The following OR4X2 variants were observed in gnomAD, a reference collection of about 807,000 sequenced individuals.
OR4X2 encodes the protein olfactory receptor 4X2.
For missense variants in OR4X2, 554 were observed against 359.5 expected (o/e 1.54, Z -4.38); for synonymous variants, 205 against 136.6 (o/e 1.50, Z -3.49).
At position 48,245,979 on chromosome 11, in the gene OR4X2, G is replaced by T; in HGVS notation, c.876G>T (p.Arg292Ser). The T allele has an allele frequency of 1.2e-6, 2 of 1,613,870 alleles. No individual in the cohort carries two copies. Among genetic ancestry groups the T allele is most frequent in the Non-Finnish European group, 1.7e-6 (2 of 1,179,906 alleles). ...RNAEMRKAMK[R>S]LWIRTLRLNE... ...CTGAAATGAGGAAGGCCATGAAGAG[G>T]CTGTGGATTAGGACATTGAGACTAA... is the stretch of plus-strand genomic sequence containing the variant. Residue 292 changes from arginine (R) to serine (S), a missense_variant, in exon 1 of 1, where the codon AGG becomes AGT. Transcript: ENST00000624868.
chr11:48,245,226 C>G lies in OR4X2; in HGVS notation c.123C>G (p.Val41=). 1 of 1,614,166 alleles carries G rather than the reference C, an allele frequency of 6.2e-7. No individual in the cohort carries two copies. The highest frequency in any genetic ancestry group is 8.5e-7 in the Non-Finnish European group (1 of 1,180,022). ...GGAATTTCCTCATTGTGCTCACTGTCATGACCAGCAGAAGCCTTGGTTCCC... is the reference window on the plus strand; with the variant it reads ...GGAATTTCCTCATTGTGCTCACTGTGATGACCAGCAGAAGCCTTGGTTCCC... ...VLGNFLIVLT[V]MTSRSLGSPM... is the part of the protein sequence containing the mutation. The change falls in exon 1 of 1, where the codon GTC becomes GTG. Residue 41 remains valine, a synonymous_variant. Transcript: ENST00000624868.
At position 48,245,897 on chromosome 11, in the gene OR4X2, T is replaced by C; in HGVS notation, c.794T>C (p.Val265Ala). 6.2e-7 allele frequency: 1 copy of C among 1,614,092 alleles called. No individual in the cohort carries two copies. The highest frequency in any genetic ancestry group is 1.1e-5 in the South Asian group (1 of 91,080). The change falls in exon 1 of 1, where the codon GTG becomes GCG. Residue 265 changes from valine to alanine, a missense_variant. Coordinates refer to ENST00000624868, the MANE Select transcript of OR4X2 (RefSeq NM_001004727.1). ...CTGCCCATAGACAAGATGGTGGCTG[T>C]GTTCTACACAGTGATAACCGCGATC... ...TTLPIDKMVA[V>A]FYTVITAILN...
At position 48,245,471 on chromosome 11, in the gene OR4X2, G is replaced by T. The variant is rs1442564406; in HGVS notation, c.368G>T (p.Ser123Ile). ...TATGTGGCCATCTGCAAGCCCCTCA[G>T]CTACACCACCATCATGAACTGGCAG... Reference protein sequence around the residue: ...DHYVAICKPLSYTTIMNWQVC... With the variant: ...DHYVAICKPLIYTTIMNWQVC... The change falls in exon 1 of 1, where the codon AGC becomes ATC. Residue 123 changes from serine (S) to isoleucine (I), a missense_variant. Coordinates refer to ENST00000624868, the MANE Select transcript of OR4X2 (RefSeq NM_001004727.1). 5 of 1,614,034 alleles carry T rather than the reference G, an allele frequency of 3.1e-6. No homozygotes were observed. The highest frequency in any genetic ancestry group is 4.2e-6 in the Non-Finnish European group (5 of 1,180,028).
rs767301380 is a variant in OR4X2 at position 48,245,182 on chromosome 11, T to C, written c.79T>C (p.Tyr27His). ...TTGCTTTGTGATATTTCTGTTCTTG[T>C]ACACAGCAATTGTGCTGGGGAATTT... ...RVCFVIFLFL[Y>H]TAIVLGNFLI... Residue 27 changes from tyrosine to histidine, a missense_variant, in exon 1 of 1, where the codon TAC becomes CAC. By Grantham distance (83) the Tyr-to-His change is moderately conservative. Transcript: ENST00000624868. 3.7e-6 allele frequency: 6 copies of C among 1,613,984 alleles called. No individual in the cohort carries two copies. The highest frequency in any genetic ancestry group is 5.1e-6 in the Non-Finnish European group (6 of 1,179,948).
rs779393192 is a variant in OR4X2 at position 48,245,759 on chromosome 11, C to G, written c.656C>G (p.Thr219Ser). Residue 219 changes from threonine to serine, a missense_variant, in exon 1 of 1, where the codon ACC (threonine) becomes AGC (serine). Physicochemically the swap from Thr to Ser is moderately conservative, Grantham distance 58 (BLOSUM62 1). Transcript: ENST00000624868. The stretch of plus-strand genomic sequence containing the variant: ...ATGGTCATCTTGCTCCATCTGAGAA[C>G]CTGGAGCTCTGAAGGGTGGTGCAAA... ...SYMVILLHLRTWSSEGWCKAL... is the reference protein window; with the variant it reads ...SYMVILLHLRSWSSEGWCKAL... The G allele has an allele frequency of 5.6e-6, 9 of 1,614,088 alleles. No individual in the cohort carries two copies. In the Admixed American group the frequency reaches 1.3e-4, roughly 24 times the overall value.
rs1326040864 is a variant in OR4X2 at position 48,245,515 on chromosome 11, G to A, written c.412G>A (p.Gly138Arg). 6.2e-7 allele frequency: 1 copy of A among 1,614,122 alleles called. No individual in the cohort carries two copies. The highest frequency in any genetic ancestry group is 8.5e-7 in the Non-Finnish European group (1 of 1,180,026). Residue 138 changes from glycine (G) to arginine (R), a missense_variant, in exon 1 of 1, where the codon GGA becomes AGA. By Grantham distance (125) the Gly-to-Arg change is moderately radical. Coordinates refer to ENST00000624868, the MANE Select transcript of OR4X2 (RefSeq NM_001004727.1). ...MNWQVCTVLV[G>R]IAWVGGFMHS... ...CTGGCAGGTGTGTACTGTCCTTGTA[G>A]GAATAGCATGGGTGGGAGGCTTCAT...
rs778999168 is a variant in OR4X2 at position 48,245,146 on chromosome 11, G to T, written c.43G>T (p.Val15Leu). The T allele has an allele frequency of 1.2e-6, 2 of 1,613,922 alleles. No individual in the cohort carries two copies. The highest frequency in any genetic ancestry group is 4.5e-5 in the East Asian group (2 of 44,886). The change falls in exon 1 of 1, where the codon GTG (valine) becomes TTG (leucine). Residue 15 changes from valine to leucine, a missense_variant. Transcript: ENST00000624868. The part of the protein sequence containing the change: ...IFLVLSPNQE[V>L]QRVCFVIFLF... ...TCTGGTACTTTCTCCCAACCAGGAGGTGCAGAGGGTTTGCTTTGTGATATT... is the reference window on the plus strand; with the variant it reads ...TCTGGTACTTTCTCCCAACCAGGAGTTGCAGAGGGTTTGCTTTGTGATATT...
rs2134411524 is a variant in OR4X2 at position 48,245,995 on chromosome 11, T to C, written c.892T>C (p.Leu298=). 6.2e-7 allele frequency: 1 copy of C among 1,613,222 alleles called. No individual in the cohort carries two copies. The highest frequency in any genetic ancestry group is 8.5e-7 in the Non-Finnish European group (1 of 1,179,616). The part of the protein sequence containing the change: ...KAMKRLWIRT[L]RLNEK ...CATGAAGAGGCTGTGGATTAGGACA[T>C]TGAGACTAAATGAGAAATAGAGGCT... The change falls in exon 1 of 1, where the codon TTG becomes CTG. Residue 298 remains leucine, a synonymous_variant. Transcript: ENST00000624868.
chr11:48,245,203 A>C lies in OR4X2; in HGVS notation c.100A>C (p.Asn34His), dbSNP rs1054596130. ...CTTGTACACAGCAATTGTGCTGGGG[A>C]ATTTCCTCATTGTGCTCACTGTCAT... ...LFLYTAIVLGNFLIVLTVMTS... is the reference protein window; with the variant it reads ...LFLYTAIVLGHFLIVLTVMTS... Residue 34 changes from asparagine to histidine, a missense_variant, in exon 1 of 1, where the codon AAT becomes CAT. Coordinates refer to ENST00000624868, the MANE Select transcript of OR4X2 (RefSeq NM_001004727.1). 1.2e-6 allele frequency: 2 copies of C among 1,613,970 alleles called. No individual in the cohort carries two copies. Among genetic ancestry groups the C allele is most frequent in the Non-Finnish European group, 1.7e-6 (2 of 1,180,010 alleles).
chr11:48,245,232 C>G lies in OR4X2; in HGVS notation c.129C>G (p.Thr43=), dbSNP rs1299145126. The G allele has an allele frequency of 2.5e-6, 4 of 1,614,136 alleles. No homozygotes were observed. Among genetic ancestry groups the G allele is most frequent in the African/African-American group, 1.3e-5 (1 of 75,036 alleles). Residue 43 remains threonine, a synonymous_variant, in exon 1 of 1, where the codon ACC becomes ACG. Transcript: ENST00000624868. ...GNFLIVLTVM[T]SRSLGSPMYF... ...TCCTCATTGTGCTCACTGTCATGAC[C>G]AGCAGAAGCCTTGGTTCCCCCATGT...
In OR4X2 at chr11:48,245,112, A is replaced by G. The variant is rs1272817763; in HGVS notation, c.9A>G (p.Glu3=). ...TGGCTAACATACACAACATGACTGAATTCATTTTTCTGGTACTTTCTCCCA... is the reference window on the plus strand; with the variant it reads ...TGGCTAACATACACAACATGACTGAGTTCATTTTTCTGGTACTTTCTCCCA... MT[E]FIFLVLSPNQ... is the part of the protein sequence containing the mutation. Residue 3 remains glutamate (E), a synonymous_variant, in exon 1 of 1, where the codon GAA becomes GAG. Coordinates refer to ENST00000624868, the MANE Select transcript of OR4X2 (RefSeq NM_001004727.1). 1 of 1,611,766 alleles carries G rather than the reference A, an allele frequency of 6.2e-7. No homozygotes were observed. The highest frequency in any genetic ancestry group is 1.7e-5 in the Admixed American group (1 of 59,936).
rs1859067056 is a variant in OR4X2 at position 48,245,877 on chromosome 11, C to T, written c.774C>T (p.Pro258=). 1.2e-6 allele frequency: 2 copies of T among 1,613,942 alleles called. No homozygotes were observed. Among genetic ancestry groups the T allele is most frequent in the East Asian group, 2.2e-5 (1 of 44,876 alleles). Residue 258 remains proline (P), a synonymous_variant, in exon 1 of 1, where the codon CCC becomes CCT. Transcript: ENST00000624868. ...CTCTGAGGCCTTCTACCACTCTGCC[C>T]ATAGACAAGATGGTGGCTGTGTTCT... ...FNSLRPSTTL[P]IDKMVAVFYT...
rs761327842 is a variant in OR4X2, at chr11:48,245,460, C to A, written c.357C>A (p.Cys119Ter). ...VMAYDHYVAI[C>*]KPLSYTTIMN... ...CCTATGACCACTATGTGGCCATCTG[C>A]AAGCCCCTCAGCTACACCACCATCA... The change falls in exon 1 of 1, where the codon TGC becomes TGA. Residue 119 changes from cysteine to a stop codon, truncating the protein, a stop_gained. Coordinates refer to ENST00000624868, the MANE Select transcript of OR4X2 (RefSeq NM_001004727.1). LOFTEE classifies it low-confidence loss of function (END_TRUNC). 2 of 1,614,174 alleles carry A rather than the reference C, an allele frequency of 1.2e-6. No homozygotes were observed. The highest frequency in any genetic ancestry group is 1.7e-5 in the Admixed American group (1 of 60,022).
rs368639328 is a variant in OR4X2, at chr11:48,245,769, T to C, written c.666T>C (p.Ser222=). ...VILLHLRTWS[S]EGWCKALSTC... ...TGCTCCATCTGAGAACCTGGAGCTC[T>C]GAAGGGTGGTGCAAAGCCCTCTCCA... is the stretch of plus-strand genomic sequence containing the variant. Residue 222 remains serine, a synonymous_variant, in exon 1 of 1, where the codon TCT becomes TCC. Transcript: ENST00000624868. The C allele has an allele frequency of 3.3e-5, 54 of 1,614,022 alleles. No homozygotes were observed. Among genetic ancestry groups the C allele is most frequent in the Non-Finnish European group, 4.2e-5 (50 of 1,180,030 alleles).
chr11:48,245,735 T>C lies in OR4X2; in HGVS notation c.632T>C (p.Met211Thr), dbSNP rs369266380. 1.9e-6 allele frequency: 3 copies of C among 1,614,142 alleles called. No homozygotes were observed. The highest frequency in any genetic ancestry group is 8.5e-7 in the Non-Finnish European group (1 of 1,180,028). ...TTTGGGGTCCTCTTAGCATCCTATATGGTCATCTTGCTCCATCTGAGAACC... is the reference window on the plus strand; with the variant it reads ...TTTGGGGTCCTCTTAGCATCCTATACGGTCATCTTGCTCCATCTGAGAACC... ...ISFGVLLASY[M>T]VILLHLRTWS... is the part of the protein sequence containing the mutation. Residue 211 changes from methionine to threonine, a missense_variant, in exon 1 of 1, where the codon ATG becomes ACG. Physicochemically the swap from Met to Thr is moderately conservative, Grantham distance 81 (BLOSUM62 -1). Coordinates refer to ENST00000624868, the MANE Select transcript of OR4X2 (RefSeq NM_001004727.1).
rs375893867 is a variant in OR4X2 at position 48,245,255 on chromosome 11, T to A, written c.152T>A (p.Met51Lys). The change falls in exon 1 of 1, where the codon ATG becomes AAG. Residue 51 changes from methionine (M) to lysine (K), a missense_variant. Coordinates refer to ENST00000624868, the MANE Select transcript of OR4X2 (RefSeq NM_001004727.1). ...ACCAGCAGAAGCCTTGGTTCCCCCA[T>A]GTACTTCTTCCTCAGCTACCTCTCC... ...VMTSRSLGSP[M>K]YFFLSYLSFM... The A allele has an allele frequency of 2.5e-6, 4 of 1,614,180 alleles. No homozygotes were observed. Among genetic ancestry groups the A allele is most frequent in the Non-Finnish European group, 3.4e-6 (4 of 1,180,022 alleles).
Position 48,245,125 on chromosome 11 carries a change from G to T in OR4X2, c.22G>T (p.Val8Leu), listed in dbSNP as rs200217220. MTEFIFL[V>L]LSPNQEVQRV... The stretch of plus-strand genomic sequence containing the variant: ...CAACATGACTGAATTCATTTTTCTG[G>T]TACTTTCTCCCAACCAGGAGGTGCA... The change falls in exon 1 of 1, where the codon GTA becomes TTA. Residue 8 changes from valine (V) to leucine (L), a missense_variant. By Grantham distance (32) the Val-to-Leu change is conservative. Coordinates refer to ENST00000624868, the MANE Select transcript of OR4X2 (RefSeq NM_001004727.1). The T allele has an allele frequency of 1.2e-6, 2 of 1,612,504 alleles. No homozygotes were observed. The highest frequency in any genetic ancestry group is 1.7e-6 in the Non-Finnish European group (2 of 1,179,228).
At position 48,245,139 on chromosome 11, in the gene OR4X2, C is replaced by A. The variant is rs868239093; in HGVS notation, c.36C>A (p.Asn12Lys). The A allele has an allele frequency of 2.5e-6, 4 of 1,613,794 alleles. No individual in the cohort carries two copies. Among genetic ancestry groups the A allele is most frequent in the Non-Finnish European group, 3.4e-6 (4 of 1,179,818 alleles). ...TCATTTTTCTGGTACTTTCTCCCAACCAGGAGGTGCAGAGGGTTTGCTTTG... is the reference window on the plus strand; with the variant it reads ...TCATTTTTCTGGTACTTTCTCCCAAACAGGAGGTGCAGAGGGTTTGCTTTG... Reference protein sequence around the residue: ...TEFIFLVLSPNQEVQRVCFVI... With the variant: ...TEFIFLVLSPKQEVQRVCFVI... The change falls in exon 1 of 1, where the codon AAC becomes AAA. Residue 12 changes from asparagine (N) to lysine (K), a missense_variant. By Grantham distance (94) the Asn-to-Lys change is moderately conservative (BLOSUM62 0). Transcript: ENST00000624868.
In OR4X2 at chr11:48,245,543, A is replaced by C. The variant is rs781394995; in HGVS notation, c.440A>C (p.His147Pro). The C allele has an allele frequency of 3.1e-6, 5 of 1,614,082 alleles. No homozygotes were observed. In the East Asian group the frequency reaches 1.1e-4, roughly 36 times the overall value. Residue 147 changes from histidine (H) to proline (P), a missense_variant, in exon 1 of 1, where the codon CAT (histidine) becomes CCT (proline). Physicochemically the swap from His to Pro is moderately conservative, Grantham distance 77 (BLOSUM62 -2). Transcript: ENST00000624868. Reference sequence around the variant, plus strand: ...ATAGCATGGGTGGGAGGCTTCATGCATTCCTTTGCACAAATCCTTCTCATC... The same window carrying C: ...ATAGCATGGGTGGGAGGCTTCATGCCTTCCTTTGCACAAATCCTTCTCATC... ...VGIAWVGGFM[H>P]SFAQILLIFH...
Sources: gnomAD v4.1 joint callset for allele counts on GRCh38, gnomAD v4.1.1 for gene constraint, MANE v1.5 for transcripts, NCBI Gene and HGNC (gene_info 2026-07-23, HGNC 2026-07-21) for gene names.